TNKS: variants seen among roughly 807,000 people sequenced by gnomAD.
TNKS encodes tankyrase.
Under a neutral mutation model 135.8 loss-of-function variants are expected in TNKS, and 72 were observed. The ratio of observed to expected loss-of-function variants is 0.53; its 90% CI spans 0.44 to 0.64. TNKS has a LOEUF of 0.64. Ranked by LOEUF, TNKS falls within the 30% of genes least tolerant of loss-of-function variation. The probability of loss-of-function intolerance (pLI) is 0.00; values close to 1 mark genes in which losing one functional copy is unlikely to be tolerated. For synonymous variants in TNKS, 849 were observed against 649.3 expected (o/e 1.31, Z -4.68); for missense variants, 1,769 against 1,674.0 (o/e 1.06, Z -0.99).
At chr8:9,573,672 A>C (rs1797843355) in intron 1 of TNKS, among the ~76,000 whole-genome samples, 1 of 152,174 alleles carries the variant, frequency 6.6e-6, no homozygotes. Flanking sequence ...TTTTACGCTT[A>C]AAAAGCATGA....
At chr8:9,592,855 T>C (rs1798637849) in intron 2 of TNKS, among the ~76,000 whole-genome samples, 1 of 152,216 alleles carries the variant, frequency 6.6e-6, no homozygotes. Flanking sequence ...AATGTGAACT[T>C]GCAGTATGTC....
At chr8:9,762,335 G>GTGCT (rs1440508316) in intron 21 of TNKS, among the ~76,000 whole-genome samples, 2 of 152,168 alleles carry the variant, frequency 1.3e-5, no homozygotes, top group Non-Finnish European at 2.9e-5. Flanking sequence ...GGAAGATTTT[G>GTGCT]TGCTTGAGTC....
chr8:9,658,210 A>G (rs1271700580), intron 3 of TNKS: 9 of 305,462 alleles, frequency 2.9e-5, no homozygotes, highest in African/African-American at 1.7e-4. Flanking sequence ...GCGGCCAGGC[A>G]GAGACGCTCC....
At chr8:9,565,281 A>G in intron 1 of TNKS, among the ~76,000 whole-genome samples, 1 of 151,930 alleles carries the variant, frequency 6.6e-6, no homozygotes, top group Non-Finnish European at 1.5e-5. Flanking sequence ...TTATTTATTT[A>G]TTTATTTATT....
Position 9,735,107 on chromosome 8 carries a change from A to C in TNKS, c.2533+23A>C, listed in dbSNP as rs752703827. ...CAGGTAAGCGCCCCCAGTGCCTCCAAGCCTCCTTTTCCTTTCTCGGACACC... is the reference window on the plus strand; with the variant it reads ...CAGGTAAGCGCCCCCAGTGCCTCCACGCCTCCTTTTCCTTTCTCGGACACC... On this transcript the variant is annotated intron_variant, in intron 16 of 26. Coordinates refer to ENST00000310430, the MANE Select transcript of TNKS (RefSeq NM_003747.3). 8 of 1,602,920 alleles carry C rather than the reference A, an allele frequency of 5.0e-6. No homozygotes were observed. The African/African-American group carries it at 1.1e-4, about 22-fold the overall frequency.
intron 3 of TNKS, among the ~76,000 whole-genome samples, chr8:9,618,487 CT>C (rs1445637403): frequency 6.6e-6 from 1 of 152,126 alleles, no homozygotes; most frequent in Non-Finnish European, 1.5e-5. Flanking sequence ...TAGAAGAAAT[CT>C]TGAGGGCTTT....
chr8:9,598,997 C>T (rs899897594), intron 2 of TNKS, among the ~76,000 whole-genome samples: 3 of 151,354 alleles, frequency 2.0e-5, no homozygotes, highest in African/African-American at 7.3e-5. Context: ...TGGGAAGCAC[C>T]TTTTACATGT....
chr8:9,718,023 T>G (rs201715903), intron 11 of TNKS, among the ~76,000 whole-genome samples: 4 of 151,676 alleles, frequency 2.6e-5, no homozygotes, highest in African/African-American at 9.7e-5. Flanking sequence ...TGTCAGAAGT[T>G]ATTAGTTAGT....
At chr8:9,650,435 G>A (rs1801103109) in intron 3 of TNKS, among the ~76,000 whole-genome samples, 2 of 152,066 alleles carry the variant, frequency 1.3e-5, no homozygotes, top group Admixed American at 1.3e-4. Context: ...ATTCCCACCA[G>A]TAGTGTAAAA....
Position 9,708,512 on chromosome 8 carries a change from C to T in TNKS, c.1578+20C>T. 1.9e-6 allele frequency: 3 copies of T among 1,569,194 alleles called. No individual in the cohort carries two copies. Among genetic ancestry groups the T allele is most frequent in the Non-Finnish European group, 2.6e-6 (3 of 1,158,464 alleles). ...GCACTGGTAAGATTTTATTGTTAAT[C>T]TATTCCCTGTGTCTATAATAATAAC... On this transcript the variant is annotated intron_variant, in intron 9 of 26. Transcript: ENST00000310430.
intron 3 of TNKS, among the ~76,000 whole-genome samples, chr8:9,656,437 G>T (rs924345608): frequency 1.1e-4 from 16 of 151,998 alleles, no homozygotes; most frequent in Admixed American, 1.3e-4. Context: ...ACACCTAATT[G>T]TCAAATTCAC....
At chr8:9,583,201 T>C (rs1394780069) in intron 2 of TNKS, among the ~76,000 whole-genome samples, 1 of 151,118 alleles carries the variant, frequency 6.6e-6, no homozygotes, top group East Asian at 1.9e-4. Flanking sequence ...TTAGAAATCT[T>C]GAACCCATGT....
intron 22 of TNKS, among the ~76,000 whole-genome samples, chr8:9,764,475 T>C (rs887589456): frequency 7.2e-5 from 11 of 152,222 alleles, no homozygotes; most frequent in Admixed American, 5.2e-4. Flanking sequence ...TTTTTTAATA[T>C]GTTTCCCCAT....
chr8:9,765,781 G>C lies in TNKS; in HGVS notation c.3537G>C (p.Glu1179Asp). 6.2e-7 allele frequency: 1 copy of C among 1,613,912 alleles called. No individual in the cohort carries two copies. Among genetic ancestry groups the C allele is most frequent in the Non-Finnish European group, 8.5e-7 (1 of 1,179,858 alleles). The stretch of plus-strand genomic sequence containing the variant: ...AGGAGAATCACAACCATCACAATGA[G>C]CGCATGTTGTTTCATGGTAAGCAGC... ...VSEENHNHHN[E>D]RMLFHGSPFI... The change falls in exon 24 of 27, where the codon GAG (glutamate) becomes GAC (aspartate). Residue 1179 changes from glutamate to aspartate, a missense_variant. Transcript: ENST00000310430.
intron 20 of TNKS, among the ~76,000 whole-genome samples, chr8:9,757,037 C>T (rs1184269998): frequency 2.0e-5 from 3 of 152,172 alleles, no homozygotes; most frequent in East Asian, 1.9e-4. Flanking sequence ...AGTGCAGTGG[C>T]GTGATCTCAG....
At chr8:9,727,752 G>T (rs1805234672) in intron 13 of TNKS, among the ~76,000 whole-genome samples, 1 of 152,310 alleles carries the variant, frequency 6.6e-6, no homozygotes, top group East Asian at 1.9e-4. Context: ...CGGTAAACAC[G>T]TTTTAAGCTC....
chr8:9,580,649 T>A (rs915780509), intron 2 of TNKS, among the ~76,000 whole-genome samples: 3 of 152,204 alleles, frequency 2.0e-5, no homozygotes, highest in African/African-American at 7.2e-5. Context: ...ATTTAGTTAA[T>A]TTATAGTCTC....
intron 3 of TNKS, among the ~76,000 whole-genome samples, chr8:9,623,541 C>G (rs1472918194): frequency 1.3e-5 from 2 of 151,174 alleles, no homozygotes; most frequent in East Asian, 1.9e-4. Flanking sequence ...ATTAAAAATA[C>G]TTTATTGCTA....
intron 11 of TNKS, chr8:9,710,557 ATAAAT>A (rs1804276174): frequency 4.3e-6 from 2 of 469,348 alleles, no homozygotes; most frequent in Non-Finnish European, 7.5e-6. Context: ...TTATCAGAAA[ATAAAT>A]TATGTTAAAT....
Sources: gnomAD v4.1 joint callset for allele counts (sites outside exome capture counted in the v4.1 genomes callset) on GRCh38, gnomAD v4.1.1 for gene constraint, MANE v1.5 for transcripts, NCBI Gene and HGNC (gene_info 2026-07-23, HGNC 2026-07-21) for gene names.